AIG1: variants seen among roughly 807,000 people sequenced by gnomAD.
The protein encoded by AIG1 is androgen induced 1.
A neutral mutation model predicts 31.4 loss-of-function variants in AIG1; 23 were observed. The ratio of observed to expected loss-of-function variants is 0.73; its 90% CI spans 0.53 to 1.04. AIG1 has a LOEUF of 1.04. Ranked by LOEUF, AIG1 falls within the 50% of genes least tolerant of loss-of-function variation. AIG1 has a pLI of 0.00. For synonymous variants in AIG1, 100 were observed against 110.5 expected (o/e 0.90, Z 0.60); for missense variants, 274 against 295.0 (o/e 0.93, Z 0.52).
intron 3 of AIG1, among the ~76,000 whole-genome samples, chr6:143,259,421 C>G (rs1795590823): frequency 6.6e-6 from 1 of 152,166 alleles, no homozygotes; most frequent in Admixed American, 6.5e-5. Context: ...TTCCTTTCAT[C>G]TCTTTGGCTA....
chr6:143,183,891 G>A (rs948878642), intron 3 of AIG1, among the ~76,000 whole-genome samples: 1 of 152,208 alleles, frequency 6.6e-6, no homozygotes, highest in Non-Finnish European at 1.5e-5. Flanking sequence ...GCCACAGACA[G>A]ATCATTCATT....
At chr6:143,237,426 G>A (rs1167601705) in intron 3 of AIG1, among the ~76,000 whole-genome samples, 5 of 152,096 alleles carry the variant, frequency 3.3e-5, no homozygotes, top group African/African-American at 4.8e-5. Flanking sequence ...AGGAACATAC[G>A]GTATGCAGGC....
At position 143,292,986 on chromosome 6, in the gene AIG1, C is replaced by T. The variant is rs534186131; in HGVS notation, c.515+8761C>T. 1.1e-3 allele frequency among the ~76,000 whole-genome samples: 168 copies of T among 152,268 alleles called. No homozygotes were observed. Among genetic ancestry groups the T allele is most frequent in the African/African-American group, 3.8e-3 (157 of 41,536 alleles). ...AGTTAGATGCTCCTTGTTTAGTTCC[C>T]GTCTTCCTCGGGTCTTTGAGCAAAT... On this transcript the variant is annotated intron_variant, in intron 4 of 5. Transcript: ENST00000357847. This position sits in a 1 kb window ranked among gnomAD's most constrained non-coding sequence, Gnocchi z 4.9.
chr6:143,304,993 G>C (rs1444495872), intron 4 of AIG1, among the ~76,000 whole-genome samples: 1 of 152,176 alleles, frequency 6.6e-6, no homozygotes, highest in African/African-American at 2.4e-5. Context: ...ATTTCTTCTA[G>C]ATTTTCTAGT....
chr6:143,103,286 C>G (rs1387069715), intron 1 of AIG1, among the ~76,000 whole-genome samples: 1 of 152,074 alleles, frequency 6.6e-6, no homozygotes, highest in Non-Finnish European at 1.5e-5. Flanking sequence ...TGATTAAAAA[C>G]TCTACCCCTT....
In AIG1 at chr6:143,317,027, CA is replaced by C. The variant is rs879477444; in HGVS notation, c.516-16244del. Among the ~76,000 whole-genome samples the C allele has an allele frequency of 4.6e-3, 662 of 142,974 alleles. 3 individuals carry two copies. The highest frequency in any genetic ancestry group is 7.8e-3 in the Admixed American group (112 of 14,372). 93.8% of individuals were successfully genotyped at this position (142,974 alleles called of 152,430 possible). A position where few individuals can be genotyped will look rare whatever the true frequency, so the allele number is the denominator to read the frequency against. ...GAAATGGTAATTTTTAAATTGCCAA[CA>C]AAAAAAAAAATCCAGGACCAGTTGG... On this transcript the variant is annotated intron_variant, in intron 4 of 5. Transcript: ENST00000357847.
downstream of AIG1, chr6:143,342,356 G>T: frequency 1.5e-6 from 1 of 673,796 alleles, no homozygotes; most frequent in Non-Finnish European, 2.7e-6. Flanking sequence ...CCCCGCCGCA[G>T]CTGCTTAGAC....
chr6:143,125,852 T>C (rs1388306638), intron 1 of AIG1, among the ~76,000 whole-genome samples: 3 of 152,376 alleles, frequency 2.0e-5, no homozygotes, highest in Middle Eastern at 3.4e-3. Flanking sequence ...GGAAAACTTA[T>C]GTTTTTTCCT....
chr6:143,187,718 G>A, intron 3 of AIG1: 2 of 1,536,032 alleles, frequency 1.3e-6, no homozygotes, highest in South Asian at 1.2e-5. Flanking sequence ...GCTTGCTCCA[G>A]CAATGACTAA....
intron 3 of AIG1, among the ~76,000 whole-genome samples, chr6:143,183,543 G>A (rs111654770): frequency 2.9e-3 from 436 of 152,248 alleles, no homozygotes; most frequent in African/African-American, 9.9e-3. Context: ...TCCCTCTGGA[G>A]AACTAATTTG....
intron 4 of AIG1, among the ~76,000 whole-genome samples, chr6:143,319,510 C>A (rs9496584): frequency 1.3e-5 from 2 of 152,090 alleles, no homozygotes; most frequent in African/African-American, 4.8e-5. Flanking sequence ...AAAAACTACA[C>A]GTTGGGTACA....
At chr6:143,225,619 G>A (rs2128627087) in intron 3 of AIG1, among the ~76,000 whole-genome samples, 1 of 152,266 alleles carries the variant, frequency 6.6e-6, no homozygotes, top group East Asian at 1.9e-4. Context: ...TCATGTTGAT[G>A]TTATTAGCTT....
At chr6:143,197,790 C>G (rs1790377068) in intron 3 of AIG1, among the ~76,000 whole-genome samples, 1 of 152,172 alleles carries the variant, frequency 6.6e-6, no homozygotes, top group Non-Finnish European at 1.5e-5. Context: ...GAGACAAACC[C>G]TCTGAGATGT....
intron 3 of AIG1, among the ~76,000 whole-genome samples, chr6:143,263,080 T>C (rs1795915050): frequency 6.6e-6 from 1 of 152,170 alleles, no homozygotes; most frequent in African/African-American, 2.4e-5. Flanking sequence ...TTGGTCATGA[T>C]TATGTATAAG....
In AIG1 at chr6:143,331,605, C is replaced by T. The variant is rs563635466; in HGVS notation, c.516-1677C>T. Among the ~76,000 whole-genome samples, 1 of 152,040 alleles carries T rather than the reference C, an allele frequency of 6.6e-6. No homozygotes were observed. Among genetic ancestry groups the T allele is most frequent in the African/African-American group, 2.4e-5 (1 of 41,460 alleles). On this transcript the variant is annotated intron_variant, in intron 4 of 5. Transcript: ENST00000357847. The surrounding 1 kb of genome is among the most constrained non-coding windows in gnomAD (Gnocchi z 4.1). ...CCACATTTGATTGTTTGTTCACCTACTGATGTGTTTCTATATACATATATG... is the reference window on the plus strand; with the variant it reads ...CCACATTTGATTGTTTGTTCACCTATTGATGTGTTTCTATATACATATATG...
chr6:143,189,824 T>A (rs1789621688), intron 3 of AIG1: 1 of 974,762 alleles, frequency 1.0e-6, no homozygotes, highest in Non-Finnish European at 1.2e-6. Flanking sequence ...AAGAGATATA[T>A]CTTAGTCCAT....
At chr6:143,296,236 G>C (rs756778075) in intron 4 of AIG1, among the ~76,000 whole-genome samples, 27 of 152,100 alleles carry the variant, frequency 1.8e-4, no homozygotes, top group Non-Finnish European at 3.4e-4. Context: ...GCCAACTGAA[G>C]CTGATAAAGT....
intron 2 of AIG1, among the ~76,000 whole-genome samples, chr6:143,160,900 A>G (rs1009903799): frequency 2.0e-5 from 3 of 152,180 alleles, no homozygotes; most frequent in Non-Finnish European, 4.4e-5. Flanking sequence ...ACTTTTAATA[A>G]CCCATATAAT....
At chr6:143,119,713 C>T (rs899367547) in intron 1 of AIG1, among the ~76,000 whole-genome samples, 4 of 152,170 alleles carry the variant, frequency 2.6e-5, no homozygotes, top group African/African-American at 9.7e-5. Flanking sequence ...AGCCTTCGTT[C>T]CTGTCTGTAA....
Sources: gnomAD v4.1 joint callset for allele counts (sites outside exome capture counted in the v4.1 genomes callset) on GRCh38, gnomAD v4.1.1 for gene constraint, Gnocchi (gnomAD v3.1) non-coding constraint, MANE v1.5 for transcripts, NCBI Gene and HGNC (gene_info 2026-07-23, HGNC 2026-07-21) for gene names.